The following XPOT variants were observed in gnomAD, a reference collection of about 807,000 sequenced individuals.
XPOT encodes the protein exportin-T.
A neutral mutation model predicts 128.2 loss-of-function variants in XPOT; 34 were observed. The ratio of observed to expected loss-of-function variants is 0.27; its 90% CI spans 0.20 to 0.35. XPOT has a LOEUF of 0.35. Among genes scored for constraint, XPOT ranks in the 10% least tolerant of loss-of-function variants. The pLI is 1.00. For missense variants in XPOT, 838 were observed against 1,125.3 expected (o/e 0.74, Z 3.65); for synonymous variants, 348 against 394.3 (o/e 0.88, Z 1.39).
chr12:64,434,992 G>A (rs891469497), intron 21 of XPOT, 83 bp downstream of exon 21: 2 of 1,170,362 alleles, frequency 1.7e-6, no homozygotes, highest in African/African-American at 1.6e-5. Flanking sequence ...ATTATATTAT[G>A]TTTCATTGAT....
At position 64,444,989 on chromosome 12, in the gene XPOT, T is replaced by C. The variant is rs111370209; in HGVS notation, c.2806-86T>C. On this transcript the variant is annotated intron_variant, in intron 23 of 24. Coordinates refer to ENST00000332707, the MANE Select transcript of XPOT (RefSeq NM_007235.6). ...CCATCTCTTAAAAAAAAAAAAAAAATTAAAAAAAAAAAACTGGATACGAAT... is the reference window on the plus strand; with the variant it reads ...CCATCTCTTAAAAAAAAAAAAAAAACTAAAAAAAAAAAACTGGATACGAAT... 4 of 1,042,504 alleles carry C rather than the reference T, an allele frequency of 3.8e-6. No homozygotes were observed. The African/African-American group carries it at 5.1e-5, about 13-fold the overall frequency. 64.6% of individuals were successfully genotyped at this position (1,042,504 alleles called of 1,614,324 possible).
chr12:64,421,126 A>G, intron 8 of XPOT, 109 bp from the exon 9 acceptor site: 1 of 853,076 alleles, frequency 1.2e-6, no homozygotes, highest in Non-Finnish European at 1.9e-6. Context: ...ATATGACGTC[A>G]TTTTAAAATT....
intron 15 of XPOT, among the ~76,000 whole-genome samples, chr12:64,427,478 T>C (rs535364382): frequency 6.6e-6 from 1 of 151,840 alleles, no homozygotes; most frequent in Non-Finnish European, 1.5e-5. Context: ...AGTTCAATAG[T>C]AAAAGTTTTC....
chr12:64,448,022 C>A, intron 24 of XPOT, 83 bp from the exon 25 acceptor site: 2 of 1,206,064 alleles, frequency 1.7e-6, no homozygotes, highest in Non-Finnish European at 2.5e-6. Flanking sequence ...ACATTGCTAG[C>A]ACTCAGATAC....
At chr12:64,441,448 A>T (rs2040323680) in intron 23 of XPOT, among the ~76,000 whole-genome samples, 1 of 152,104 alleles carries the variant, frequency 6.6e-6, no homozygotes, top group Non-Finnish European at 1.5e-5. Context: ...TACTGTTTTC[A>T]CACTGTAATA....
intron 9 of XPOT, 149 bp downstream of exon 9, chr12:64,421,620 TA>T (rs1007572446): frequency 8.0e-3 from 4,111 of 513,750 alleles, no homozygotes; most frequent in South Asian, 0.011. Flanking sequence ...ATTTCCATCT[TA>T]AAAAAAAAAG....
At chr12:64,421,862 G>T (rs1220825607) in intron 9 of XPOT, among the ~76,000 whole-genome samples, 2 of 151,950 alleles carry the variant, frequency 1.3e-5, no homozygotes, top group Non-Finnish European at 2.9e-5. Context: ...GCCCAGGCTG[G>T]AGTGCAATGG....
intron 2 of XPOT, among the ~76,000 whole-genome samples, chr12:64,410,545 C>T (rs2040028418): frequency 6.6e-6 from 1 of 152,058 alleles, no homozygotes. Flanking sequence ...TGGTCTCGAA[C>T]TCCTGAGCTC....
In XPOT at chr12:64,449,194, C is replaced by CTCA. The variant is rs1555201106; in HGVS notation, c.*1063_*1064insTCA. On this transcript the variant is annotated 3_prime_UTR_variant, in exon 25 of 25. Coordinates refer to ENST00000332707, the MANE Select transcript of XPOT (RefSeq NM_007235.6). ...TGGGCAAGAGAGTAAGACTCTCTCT[C>CTCA]AAAAAAAAAAAAAAAGAATTTAAAA... 1 of 139,810 alleles carries CTCA rather than the reference C, an allele frequency of 7.2e-6. No individual in the cohort carries two copies. Among genetic ancestry groups the CTCA allele is most frequent in the Non-Finnish European group, 1.5e-5 (1 of 65,076 alleles). The allele number at this position is 139,810 out of a possible 1,614,324, so 8.7% of individuals were successfully genotyped here.
chr12:64,426,482 C>T (rs1194548807), intron 15 of XPOT, among the ~76,000 whole-genome samples: 1 of 152,000 alleles, frequency 6.6e-6, no homozygotes, highest in Non-Finnish European at 1.5e-5. Context: ...TAAGTGAGAG[C>T]TAAATCTTGG....
intron 2 of XPOT, among the ~76,000 whole-genome samples, chr12:64,411,635 A>T (rs142490026): frequency 6.6e-6 from 1 of 152,222 alleles, no homozygotes; most frequent in Non-Finnish European, 1.5e-5. Context: ...CTGAATAACA[A>T]TTTATTAGGA....
chr12:64,444,266 T>C (rs1272943925), intron 23 of XPOT, among the ~76,000 whole-genome samples: 1 of 152,224 alleles, frequency 6.6e-6, no homozygotes, highest in Non-Finnish European at 1.5e-5. Context: ...GAATCCACCT[T>C]GTCTAGGAGA....
rs781307672 is a variant in XPOT, at chr12:64,420,112, C to T, written c.532C>T (p.Gln178Ter). The T allele has an allele frequency of 6.2e-7, 1 of 1,600,988 alleles. No homozygotes were observed. Among genetic ancestry groups the T allele is most frequent in the Non-Finnish European group, 8.5e-7 (1 of 1,175,960 alleles). ...TCTCATAAAAGATACCATGAGGGAACAGTGCATTCCAAATCTGGTGGAATC... is the reference window on the plus strand; with the variant it reads ...TCTCATAAAAGATACCATGAGGGAATAGTGCATTCCAAATCTGGTGGAATC... The part of the protein sequence containing the change: ...NTLIKDTMRE[Q>*]CIPNLVESWY... The change falls in exon 7 of 25, where the codon CAG (glutamine) becomes TAG (stop). Residue 178 changes from glutamine to a stop codon, truncating the protein, a stop_gained. Transcript: ENST00000332707. LOFTEE classifies it high-confidence loss of function.
intron 3 of XPOT, among the ~76,000 whole-genome samples, chr12:64,416,093 C>T (rs554730793): frequency 2.0e-5 from 3 of 152,306 alleles, no homozygotes; most frequent in South Asian, 4.1e-4. Flanking sequence ...GCAACTCTGC[C>T]ACTCCCCTAG....
intron 24 of XPOT, among the ~76,000 whole-genome samples, chr12:64,447,670 G>A (rs1307020870): frequency 6.6e-6 from 1 of 152,020 alleles, no homozygotes; most frequent in Non-Finnish European, 1.5e-5. Context: ...AGTAAAGACT[G>A]GGTTTCTCCA....
intron 24 of XPOT, among the ~76,000 whole-genome samples, chr12:64,445,375 T>TA (rs2040359821): frequency 6.6e-6 from 1 of 152,154 alleles, no homozygotes; most frequent in African/African-American, 2.4e-5. Context: ...ATTAGGAGAA[T>TA]AAGAAATGTT....
chr12:64,413,266 C>A (rs924431144), intron 2 of XPOT, among the ~76,000 whole-genome samples: 1 of 152,132 alleles, frequency 6.6e-6, no homozygotes, highest in African/African-American at 2.4e-5. Context: ...CCACTTCTGG[C>A]TAATTTTTAA....
At chr12:64,427,182 T>C (rs1306667991) in intron 15 of XPOT, among the ~76,000 whole-genome samples, 5 of 148,204 alleles carry the variant, frequency 3.4e-5, no homozygotes, top group African/African-American at 1.2e-4. Context: ...TACAATGGCA[T>C]GATCTTGACT....
intron 3 of XPOT, among the ~76,000 whole-genome samples, chr12:64,415,930 C>T (rs1039537510): frequency 4.6e-5 from 7 of 152,148 alleles, no homozygotes; most frequent in African/African-American, 1.7e-4. Context: ...CAAATATGTA[C>T]AAGATTTTTT....
Sources: gnomAD v4.1 joint callset for allele counts (sites outside exome capture counted in the v4.1 genomes callset) on GRCh38, gnomAD v4.1.1 for gene constraint, MANE v1.5 for transcripts, NCBI Gene and HGNC (gene_info 2026-07-23, HGNC 2026-07-21) for gene names.